Variants in IL18BP observed in about 807,000 individuals in gnomAD.
IL18BP encodes the protein interleukin 18 binding protein, also known as interleukin-18-binding protein.
A neutral mutation model predicts 19.9 loss-of-function variants in IL18BP; 23 were observed. The observed-to-expected ratio is 1.15, with a 90% CI of 0.83 to 1.64. The LOEUF (loss-of-function observed/expected upper bound fraction) is 1.64, where lower values mean the gene tolerates loss of function less well. IL18BP is among the 40% of genes most tolerant of loss of function. The probability of loss-of-function intolerance (pLI) is 0.00; values close to 1 mark genes in which losing one functional copy is unlikely to be tolerated. For synonymous variants in IL18BP, 107 were observed against 101.0 expected (o/e 1.06, Z -0.35); for missense variants, 239 against 240.7 (o/e 0.99, Z 0.05).
At chr11:72,003,533 C>T, downstream of IL18BP, 1 of 1,614,156 alleles carries the variant, frequency 6.2e-7, no homozygotes, top group Non-Finnish European at 8.5e-7. Flanking sequence ...CCCTTTAGTG[C>T]TTTGCCTGAA....
downstream of IL18BP, chr11:72,007,125 G>A: frequency 3.2e-6 from 5 of 1,582,322 alleles, no homozygotes; most frequent in Non-Finnish European, 4.3e-6. Flanking sequence ...AGTGCCCAGT[G>A]CAAAGATGCC....
chr11:72,000,547 A>C lies in IL18BP; in HGVS notation c.225A>C (p.Glu75Asp), dbSNP rs1955157685. 1 of 1,610,222 alleles carries C rather than the reference A, an allele frequency of 6.2e-7. No individual in the cohort carries two copies. The highest frequency in any genetic ancestry group is 1.3e-5 in the African/African-American group (1 of 74,908). The change falls in exon 3 of 6, where the codon GAA becomes GAC. Residue 75 changes from glutamate to aspartate, a missense_variant. Physicochemically the swap from Glu to Asp is conservative, Grantham distance 45 (BLOSUM62 2). Coordinates refer to ENST00000393703, the MANE Select transcript of IL18BP (RefSeq NM_001039660.2). ...TGGAAGTGACCTGGCCAGAGGTGGA[A>C]GTGCCACTGAGTAAGAAGCACAGTG... ...PALEVTWPEV[E>D]VPLNGTLSLS... is the part of the protein sequence containing the mutation.
chr11:72,001,869 C>T lies in IL18BP; in HGVS notation c.*8C>T, dbSNP rs1479499690. On this transcript the variant is annotated 3_prime_UTR_variant, in exon 6 of 6. Transcript: ENST00000393703. Reference sequence around the variant, plus strand: ...CCACAGCAGCAGGGTTAAGACTCAGCACAGGGCCAGCAGCAGCACAACCTT... The same window carrying T: ...CCACAGCAGCAGGGTTAAGACTCAGTACAGGGCCAGCAGCAGCACAACCTT... 9 of 1,614,046 alleles carry T rather than the reference C, an allele frequency of 5.6e-6. No homozygotes were observed. The highest frequency in any genetic ancestry group is 3.3e-5 in the Admixed American group (2 of 60,004).
downstream of IL18BP, chr11:72,005,504 GC>G: frequency 1.3e-6 from 1 of 771,388 alleles, no homozygotes. Flanking sequence ...ATTCAGTGCC[GC>G]AGGTGCAGGA....
chr11:72,003,377 G>A (rs527585405), downstream of IL18BP: 110 of 772,880 alleles, frequency 1.4e-4, no homozygotes, highest in African/African-American at 1.6e-3. Context: ...CAGGGACCAG[G>A]CCAGGGTGCG....
chr11:72,001,841 A>G lies in IL18BP; in HGVS notation c.565A>G (p.Ser189Gly), dbSNP rs752744292. Residue 189 changes from serine (S) to glycine (G), a missense_variant, in exon 6 of 6, where the codon AGT becomes GGT. Transcript: ENST00000393703. ...TQEALPSSHS[S>G]PQQQG Reference sequence around the variant, plus strand: ...AGAAGCCCTGCCCTCCAGCCACAGCAGTCCACAGCAGCAGGGTTAAGACTC... The same window carrying G: ...AGAAGCCCTGCCCTCCAGCCACAGCGGTCCACAGCAGCAGGGTTAAGACTC... 56 of 1,614,040 alleles carry G rather than the reference A, an allele frequency of 3.5e-5. No individual in the cohort carries two copies. Among genetic ancestry groups the G allele is most frequent in the Non-Finnish European group, 4.6e-5 (54 of 1,180,026 alleles).
downstream of IL18BP, chr11:72,004,517 T>C (rs1199848070): frequency 8.7e-6 from 11 of 1,261,450 alleles, no homozygotes; most frequent in African/African-American, 3.0e-5. Context: ...GGTCAGGCCC[T>C]TGGAGAGAGG....
downstream of IL18BP, chr11:72,003,513 C>G (rs148825653): frequency 9.3e-5 from 150 of 1,614,024 alleles, no homozygotes; most frequent in East Asian, 3.1e-3. Context: ...GGGCCACTCA[C>G]TGGTACTGGC....
chr11:72,001,494 G>C lies in IL18BP; in HGVS notation c.449G>C (p.Cys150Ser), dbSNP rs1040709556. The change falls in exon 5 of 6, where the codon TGT becomes TCT. Residue 150 changes from cysteine (C) to serine (S), a missense_variant. Transcript: ENST00000393703. ...GCCCTGCACAGCACCAACTTCTCCT[G>C]TGTGCTCGTGGACCCTGAACAGGTT... ...TPALHSTNFSCVLVDPEQVVQ... is the reference protein window; with the variant it reads ...TPALHSTNFSSVLVDPEQVVQ... The C allele has an allele frequency of 6.2e-7, 1 of 1,614,052 alleles. No homozygotes were observed. The highest frequency in any genetic ancestry group is 1.1e-5 in the South Asian group (1 of 91,058).
downstream of IL18BP, chr11:72,003,916 TGGC>T (rs747952281): frequency 5.6e-6 from 9 of 1,613,086 alleles, no homozygotes; most frequent in African/African-American, 2.7e-5. Context: ...GTGGCACCAA[TGGC>T]GGCAGCAGTG....
downstream of IL18BP, chr11:72,006,058 C>G (rs761971500): frequency 6.2e-7 from 1 of 1,613,234 alleles, no homozygotes; most frequent in East Asian, 2.2e-5. Flanking sequence ...ACTGGACACC[C>G]CGGCCTGGGA....
Position 72,001,207 on chromosome 11 carries a change from C to T in IL18BP, c.242C>T (p.Thr81Met), listed in dbSNP as rs770102511. ...WPEVEVPLNG[T>M]LSLSCVACSR... Reference sequence around the variant, plus strand: ...CTGCTGCCTGTGTCCCTAGATGGAACGCTGAGCTTATCCTGTGTGGCCTGC... The same window carrying T: ...CTGCTGCCTGTGTCCCTAGATGGAATGCTGAGCTTATCCTGTGTGGCCTGC... Residue 81 changes from threonine to methionine, a missense_variant, in exon 4 of 6, where the codon ACG becomes ATG. By Grantham distance (81) the Thr-to-Met change is moderately conservative. Coordinates refer to ENST00000393703, the MANE Select transcript of IL18BP (RefSeq NM_001039660.2). 5.8e-5 allele frequency: 93 copies of T among 1,614,016 alleles called. No individual in the cohort carries two copies. Among genetic ancestry groups the T allele is most frequent in the Admixed American group, 1.8e-4 (11 of 60,000 alleles).
Position 72,002,032 on chromosome 11 carries a change from T to C in IL18BP, c.*171T>C. 2 of 923,022 alleles carry C rather than the reference T, an allele frequency of 2.2e-6. No homozygotes were observed. The highest frequency in any genetic ancestry group is 3.3e-6 in the Non-Finnish European group (2 of 612,250). The allele number at this position is 923,022 out of a possible 1,614,324, so 57.2% of individuals were successfully genotyped here. On this transcript the variant is annotated 3_prime_UTR_variant, in exon 6 of 6. Coordinates refer to ENST00000393703, the MANE Select transcript of IL18BP (RefSeq NM_001039660.2). ...ACCAAATTCAAACTCCATTCCCACC[T>C]ACCTAGAAAATCACAGCCTCCTTAT...
downstream of IL18BP, chr11:72,007,690 A>C (rs928953295): frequency 5.6e-6 from 3 of 536,652 alleles, no homozygotes; most frequent in Non-Finnish European, 9.9e-6. Flanking sequence ...CCAGATGCCC[A>C]TGGCTGCTTC....
downstream of IL18BP, chr11:72,005,096 T>A: frequency 9.4e-7 from 1 of 1,060,354 alleles, no homozygotes; most frequent in Non-Finnish European, 1.3e-6. Context: ...CTGTTCCACC[T>A]GGAAACATGA....
At chr11:72,000,645 A>T in intron 3 of IL18BP, 88 bp downstream of exon 3, 3 of 1,105,946 alleles carry the variant, frequency 2.7e-6, no homozygotes, top group Non-Finnish European at 4.0e-6. Flanking sequence ...CCTTCTGCCC[A>T]TGTACCACCA....
downstream of IL18BP, chr11:72,007,274 AG>A (rs757250713): frequency 6.2e-7 from 1 of 1,613,250 alleles, no homozygotes. Context: ...GACGTCTCCC[AG>A]GGAGTCCAGG....
At chr11:72,007,116 G>C (rs1001584822), downstream of IL18BP, 1 of 1,553,992 alleles carries the variant, frequency 6.4e-7, no homozygotes, top group Non-Finnish European at 8.7e-7. Flanking sequence ...TCCTGACTGA[G>C]TGCCCAGTGC....
At chr11:72,001,695 T>TCTTGGGCAGAGGAGGTGTAGC in intron 5 of IL18BP, 89 bp from the exon 6 acceptor site, 2 of 1,612,058 alleles carry the variant, frequency 1.2e-6, no homozygotes, top group Non-Finnish European at 1.7e-6. Flanking sequence ...GGAACTTAGG[T>TCTTGGGCAGAGGAGGTGTAGC]CTTGGGCAGA....
Sources: allele counts gnomAD v4.1 joint callset, GRCh38; gene constraint gnomAD v4.1.1; transcripts MANE v1.5; gene names NCBI Gene and HGNC (gene_info 2026-07-23, HGNC 2026-07-21).